The following SLC7A14 variants were observed in gnomAD, a reference collection of about 807,000 sequenced individuals.
The protein encoded by SLC7A14 is solute carrier family 7 member 14.
In SLC7A14, 37 loss-of-function variants were observed where a neutral mutation model predicts 60.2. The ratio of observed to expected loss-of-function variants is 0.61; its 90% CI spans 0.47 to 0.81. The LOEUF (loss-of-function observed/expected upper bound fraction) is 0.81. Among genes scored for constraint, SLC7A14 ranks in the 30% least tolerant of loss-of-function variants. The pLI is 0.00. For missense variants in SLC7A14, 886 were observed against 982.7 expected (o/e 0.90, Z 1.32); for synonymous variants, 399 against 395.8 (o/e 1.01, Z -0.10).
intron 7 of SLC7A14, among the ~76,000 whole-genome samples, chr3:170,478,454 A>C (rs1038467756): frequency 1.3e-5 from 2 of 152,162 alleles, no homozygotes; most frequent in African/African-American, 4.8e-5. Flanking sequence ...AATCCTCCTG[A>C]AGTCTAACCA....
At chr3:170,541,377 C>A (rs925338910) in intron 1 of SLC7A14, among the ~76,000 whole-genome samples, 3 of 152,156 alleles carry the variant, frequency 2.0e-5, no homozygotes, top group Non-Finnish European at 4.4e-5. Context: ...GTGGGAGGAT[C>A]ACTTGAGGCC....
chr3:170,494,676 A>C (rs1044032807), intron 4 of SLC7A14, among the ~76,000 whole-genome samples: 2 of 152,260 alleles, frequency 1.3e-5, no homozygotes, highest in African/African-American at 2.4e-5. Flanking sequence ...TGAAAATTAA[A>C]TATCAATCAA....
intron 1 of SLC7A14, among the ~76,000 whole-genome samples, chr3:170,576,206 G>C (rs1054399726): frequency 6.6e-6 from 1 of 152,212 alleles, no homozygotes; most frequent in Non-Finnish European, 1.5e-5. Context: ...TACATAATTA[G>C]TGGGGATTAC....
In SLC7A14 at chr3:170,483,110, G is replaced by A. The variant is rs1313424923; in HGVS notation, c.1115+204C>T. Among the ~76,000 whole-genome samples the A allele has an allele frequency of 2.0e-5, 3 of 152,070 alleles. No homozygotes were observed. The East Asian group carries it at 5.8e-4, about 29-fold the overall frequency. On this transcript the variant is annotated intron_variant, in intron 6 of 7. Transcript: ENST00000231706. ...GGGGGACACACATCAGCTTGTGCTGGATTAAGGGACTGCAGAGTTAAACTA... is the reference window on the plus strand; with the variant it reads ...GGGGGACACACATCAGCTTGTGCTGAATTAAGGGACTGCAGAGTTAAACTA...
At position 170,483,300 on chromosome 3, in the gene SLC7A14, A is replaced by C. The variant is rs769312081; in HGVS notation, c.1115+14T>G. On this transcript the variant is annotated intron_variant, in intron 6 of 7. Transcript: ENST00000231706. ...TGGCAGAGCAGGATAAATTTCATGGAGCATAGCCCTTACCTGAAAAGGAGC... is the reference window on the plus strand; with the variant it reads ...TGGCAGAGCAGGATAAATTTCATGGCGCATAGCCCTTACCTGAAAAGGAGC... 6.8e-6 allele frequency: 11 copies of C among 1,613,688 alleles called. No individual in the cohort carries two copies. The African/African-American group carries it at 9.4e-5, about 14-fold the overall frequency.
At position 170,465,738 on chromosome 3, in the gene SLC7A14, T is replaced by G. The variant is rs2108261072; in HGVS notation, c.*1317A>C. On this transcript the variant is annotated 3_prime_UTR_variant, in exon 8 of 8. Coordinates refer to ENST00000231706, the MANE Select transcript of SLC7A14 (RefSeq NM_020949.3). ...GCCTTCACATACATTTGTACGTATC[T>G]CAGTGCAGCCACAGGAATTCTTGTA... is the stretch of plus-strand genomic sequence containing the variant. 1 of 152,368 alleles carries G rather than the reference T, an allele frequency of 6.6e-6. No individual in the cohort carries two copies. The highest frequency in any genetic ancestry group is 2.1e-4 in the South Asian group (1 of 4,832). 9.4% of individuals were successfully genotyped at this position (152,368 alleles called of 1,614,324 possible).
chr3:170,462,530 A>G lies in SLC7A14; in HGVS notation c.*4525T>C, dbSNP rs138348399. 10 of 152,316 alleles carry G rather than the reference A, an allele frequency of 6.6e-5. No homozygotes were observed. In the East Asian group the frequency reaches 1.9e-3, roughly 29 times the overall value. The allele number at this position is 152,316 out of a possible 1,614,324, so 9.4% of individuals were successfully genotyped here. A position where few individuals can be genotyped will look rare whatever the true frequency, so the allele number is the denominator to read the frequency against. On this transcript the variant is annotated 3_prime_UTR_variant, in exon 8 of 8. Transcript: ENST00000231706. ...TCCCTTCCGCCCGCCATTTATTTAA[A>G]CAGATTTATCATGACCATTATGTAG...
intron 2 of SLC7A14, among the ~76,000 whole-genome samples, chr3:170,525,631 C>T (rs1056804362): frequency 6.6e-6 from 1 of 151,960 alleles, no homozygotes; most frequent in African/African-American, 2.4e-5. Flanking sequence ...TAGCTGTATC[C>T]TTCCACTGTC....
intron 1 of SLC7A14, among the ~76,000 whole-genome samples, chr3:170,577,533 G>A (rs972053796): frequency 6.6e-6 from 1 of 150,860 alleles, no homozygotes; most frequent in Non-Finnish European, 1.5e-5. Context: ...CAGGAGAATG[G>A]CGTGAACCCG....
intron 1 of SLC7A14, among the ~76,000 whole-genome samples, chr3:170,582,177 G>A (rs1320902835): frequency 6.6e-6 from 1 of 152,112 alleles, no homozygotes; most frequent in African/African-American, 2.4e-5. Flanking sequence ...GATGTATTAG[G>A]CATAAGTGGC....
chr3:170,484,652 C>A (rs1045927785), intron 5 of SLC7A14, among the ~76,000 whole-genome samples: 4 of 152,124 alleles, frequency 2.6e-5, no homozygotes, highest in African/African-American at 4.8e-5. Context: ...TCCAGTGGAG[C>A]CAAGGGCCAC....
Position 170,480,302 on chromosome 3 carries a change from G to T in SLC7A14, c.1980C>A (p.Val660=). The change falls in exon 7 of 8, where the codon GTC becomes GTA. Residue 660 remains valine, a synonymous_variant. Coordinates refer to ENST00000231706, the MANE Select transcript of SLC7A14 (RefSeq NM_020949.3). ...GAAGTTGCTTACCCACAAAGCACCAGACCGCAAACCGGATCCATGTGATGG... is the reference window on the plus strand; with the variant it reads ...GAAGTTGCTTACCCACAAAGCACCATACCGCAAACCGGATCCATGTGATGG... ...LSTITWIRFA[V]WCFVGLLIYF... is the part of the protein sequence containing the mutation. 1.3e-6 allele frequency: 2 copies of T among 1,531,380 alleles called. No homozygotes were observed. Among genetic ancestry groups the T allele is most frequent in the South Asian group, 2.6e-5 (2 of 76,924 alleles). The allele number at this position is 1,531,380 out of a possible 1,614,324, so 94.9% of individuals were successfully genotyped here.
At chr3:170,524,410 G>C (rs147461072) in intron 2 of SLC7A14, among the ~76,000 whole-genome samples, 4 of 152,320 alleles carry the variant, frequency 2.6e-5, no homozygotes, top group African/African-American at 9.6e-5. Flanking sequence ...TGTGATGGGG[G>C]TAGGTGGCAG....
At chr3:170,525,269 C>G (rs547920362) in intron 2 of SLC7A14, among the ~76,000 whole-genome samples, 1 of 152,154 alleles carries the variant, frequency 6.6e-6, no homozygotes, top group Non-Finnish European at 1.5e-5. Flanking sequence ...GGGAAGATAC[C>G]GTAGATTGCT....
chr3:170,477,159 T>A (rs1052599664), intron 7 of SLC7A14, among the ~76,000 whole-genome samples: 1 of 152,198 alleles, frequency 6.6e-6, no homozygotes, highest in Non-Finnish European at 1.5e-5. Context: ...GGTGGGGTAG[T>A]AGGAGCCCCA....
At chr3:170,565,850 T>C (rs536980793) in intron 1 of SLC7A14, among the ~76,000 whole-genome samples, 6 of 151,792 alleles carry the variant, frequency 4.0e-5, no homozygotes, top group African/African-American at 1.5e-4. Context: ...AAATACTGCA[T>C]CAGAAGAGTA....
At chr3:170,514,115 C>A (rs191136169) in intron 2 of SLC7A14, among the ~76,000 whole-genome samples, 121 of 152,380 alleles carry the variant, frequency 7.9e-4, no homozygotes, top group African/African-American at 2.5e-3. Context: ...GTGTCAGGAG[C>A]TTTTTGATTC....
At chr3:170,570,246 G>C (rs1714908099) in intron 1 of SLC7A14, 1 of 152,320 alleles carries the variant, frequency 6.6e-6, no homozygotes, top group Non-Finnish European at 1.5e-5. Context: ...AGGAGTTTGA[G>C]ATCAGCCTGG....
chr3:170,483,724 G>A (rs1465397840), intron 5 of SLC7A14, among the ~76,000 whole-genome samples: 2 of 152,240 alleles, frequency 1.3e-5, no homozygotes, highest in African/African-American at 4.8e-5. Flanking sequence ...CCCCACATGT[G>A]AATTTAGTGG....
Sources: allele counts gnomAD v4.1 joint callset (sites outside exome capture counted in the v4.1 genomes callset), GRCh38; gene constraint gnomAD v4.1.1; transcripts MANE v1.5; gene names NCBI Gene and HGNC (gene_info 2026-07-23, HGNC 2026-07-21).